RAD51B: variants seen among roughly 807,000 people sequenced by gnomAD.
RAD51B encodes RAD51 paralog B, also known as DNA repair protein RAD51 homolog 2.
RAD51B carries 38 observed loss-of-function variants against 42.2 expected under a neutral mutation model. The ratio of observed to expected loss-of-function variants is 0.90; its 90% CI spans 0.70 to 1.18. The LOEUF (loss-of-function observed/expected upper bound fraction) is 1.18. Ranked by LOEUF, RAD51B falls within the 50% of genes most tolerant of loss-of-function variation. The probability of loss-of-function intolerance (pLI) is 0.00; values close to 1 mark genes in which losing one functional copy is unlikely to be tolerated. For synonymous variants in RAD51B, 154 were observed against 145.2 expected (o/e 1.06, Z -0.43); for missense variants, 373 against 400.7 (o/e 0.93, Z 0.59).
At chr14:67,873,563 T>G (rs970252447) in intron 5 of RAD51B, among the ~76,000 whole-genome samples, 4 of 151,882 alleles carry the variant, frequency 2.6e-5, no homozygotes, top group African/African-American at 4.8e-5. Context: ...AGAAATACCA[T>G]TTGACCCAGC....
chr14:67,852,325 C>T (rs563177395), intron 4 of RAD51B, among the ~76,000 whole-genome samples: 2 of 152,340 alleles, frequency 1.3e-5, no homozygotes, highest in Non-Finnish European at 1.5e-5. Context: ...AAAACCTGGC[C>T]TCCCTTGGTG....
chr14:68,323,466 G>A (rs1232114848), intron 8 of RAD51B, among the ~76,000 whole-genome samples: 1 of 152,164 alleles, frequency 6.6e-6, no homozygotes, highest in East Asian at 1.9e-4. Context: ...GGAACTGGGA[G>A]GCCATCCAGA....
At chr14:68,122,520 A>G (rs1434602507) in intron 7 of RAD51B, among the ~76,000 whole-genome samples, 1 of 152,184 alleles carries the variant, frequency 6.6e-6, no homozygotes, top group Admixed American at 6.5e-5. Flanking sequence ...CATATTATTG[A>G]AGATAAAGAA....
At chr14:68,014,695 AAAAT>A (rs199800534) in intron 7 of RAD51B, among the ~76,000 whole-genome samples, 14 of 150,394 alleles carry the variant, frequency 9.3e-5, no homozygotes, top group African/African-American at 2.5e-4. Context: ...AGGATCAGTA[AAAAT>A]AAATAAATAA....
intron 7 of RAD51B, among the ~76,000 whole-genome samples, chr14:68,106,422 A>G (rs1180922268): frequency 2.0e-5 from 3 of 151,886 alleles, no homozygotes. Flanking sequence ...AGGTTTTTTT[A>G]TTTCCAGTTG....
chr14:67,889,528 A>T lies in RAD51B; in HGVS notation c.756+2324A>T, dbSNP rs866783363. ...ATATAAATATAAATATATAAAAATA[A>T]AAAATATATATAATAAAAATATATA... is the stretch of plus-strand genomic sequence containing the variant. On this transcript the variant is annotated intron_variant, in intron 7 of 10. Transcript: ENST00000471583. Among the ~76,000 whole-genome samples the T allele has an allele frequency of 5.4e-5, 8 of 148,226 alleles. No individual in the cohort carries two copies. In the South Asian group the frequency reaches 1.7e-3, roughly 31 times the overall value.
chr14:68,043,409 G>A (rs1285173300), intron 7 of RAD51B, among the ~76,000 whole-genome samples: 1 of 152,196 alleles, frequency 6.6e-6, no homozygotes, highest in Admixed American at 6.5e-5. Flanking sequence ...TGATTCATTT[G>A]CATTATACTG....
At chr14:67,858,856 CT>C (rs1483652214) in intron 4 of RAD51B, among the ~76,000 whole-genome samples, 1 of 152,212 alleles carries the variant, frequency 6.6e-6, no homozygotes, top group Admixed American at 6.5e-5. Context: ...CCACTTTCAA[CT>C]TTTACTGACA....
chr14:68,662,297 T>A (rs1892949501), intron 11 of RAD51B, among the ~76,000 whole-genome samples: 1 of 152,250 alleles, frequency 6.6e-6, no homozygotes, highest in South Asian at 2.1e-4. Context: ...ATTCCATTTG[T>A]TTAGCCCCAA....
intron 9 of RAD51B, among the ~76,000 whole-genome samples, chr14:68,426,011 T>C (rs10131342): frequency 0.29 from 17,467 of 60,778 alleles, 1,347 homozygotes; most frequent in East Asian, 0.5. Flanking sequence ...TTCCTTCCTT[T>C]CTTTCTTTCT....
chr14:68,383,176 G>A (rs534736057), intron 8 of RAD51B, among the ~76,000 whole-genome samples: 5 of 152,246 alleles, frequency 3.3e-5, no homozygotes, highest in Admixed American at 1.3e-4. Flanking sequence ...TAAACAACAT[G>A]AAAATATATA....
intron 7 of RAD51B, among the ~76,000 whole-genome samples, chr14:68,201,364 G>C (rs1314414253): frequency 1.3e-5 from 2 of 152,128 alleles, no homozygotes; most frequent in African/African-American, 4.8e-5. Context: ...GATATTTCTG[G>C]AAAGAGAACT....
At chr14:68,635,158 C>G (rs1892316574) in intron 10 of RAD51B, among the ~76,000 whole-genome samples, 1 of 152,186 alleles carries the variant, frequency 6.6e-6, no homozygotes, top group South Asian at 2.1e-4. Context: ...GTATCCCCCC[C>G]TCAATTTCAA....
In RAD51B at chr14:68,549,572, T is replaced by C. The variant is rs546290352; in HGVS notation, c.1037-44913T>C. Among the ~76,000 whole-genome samples the C allele has an allele frequency of 1.7e-4, 26 of 150,320 alleles. No homozygotes were observed. The East Asian group carries it at 2.3e-3, about 14-fold the overall frequency. ...CTGGGACTACAGGCGCGCGCCACCA[T>C]GCCCGGCTAATTTTTGTATTTTTAG... On this transcript the variant is annotated intron_variant, in intron 10 of 10. Transcript: ENST00000487270.
At chr14:68,499,850 G>A (rs995898437) in intron 10 of RAD51B, among the ~76,000 whole-genome samples, 1 of 152,226 alleles carries the variant, frequency 6.6e-6, no homozygotes, top group Non-Finnish European at 1.5e-5. Context: ...ACACCTTGAT[G>A]TGGGGCTTCT....
chr14:68,561,149 A>G (rs12587232), intron 10 of RAD51B, among the ~76,000 whole-genome samples: 71,739 of 152,058 alleles, frequency 0.47, 17,290 homozygotes, highest in Non-Finnish European at 0.54. Context: ...CCCAGCTGAG[A>G]ACTCCCATGC....
chr14:68,598,163 T>C (rs1420428769), downstream of RAD51B, among the ~76,000 whole-genome samples: 1 of 152,208 alleles, frequency 6.6e-6, no homozygotes, highest in Non-Finnish European at 1.5e-5. Context: ...CTTACCTTTT[T>C]ATTATTGATG....
At chr14:68,333,837 C>T (rs571309491) in intron 8 of RAD51B, among the ~76,000 whole-genome samples, 4 of 152,126 alleles carry the variant, frequency 2.6e-5, no homozygotes, top group Non-Finnish European at 5.9e-5. Flanking sequence ...ATATTTTTAA[C>T]CATAGACACC....
At chr14:68,186,115 G>A (rs2079153171) in intron 7 of RAD51B, among the ~76,000 whole-genome samples, 2 of 152,172 alleles carry the variant, frequency 1.3e-5, no homozygotes, top group Admixed American at 1.3e-4. Flanking sequence ...AATGGGGAAA[G>A]GACTCACTGG....
Sources: gnomAD v4.1 joint callset for allele counts (sites outside exome capture counted in the v4.1 genomes callset) on GRCh38, gnomAD v4.1.1 for gene constraint, MANE v1.5 for transcripts, NCBI Gene and HGNC (gene_info 2026-07-23, HGNC 2026-07-21) for gene names.